PIK3R5: variants seen among roughly 807,000 people sequenced by gnomAD.
PIK3R5 encodes the protein phosphoinositide 3-kinase regulatory subunit 5.
In PIK3R5, 32 loss-of-function variants were observed where a neutral mutation model predicts 94.9. The ratio of observed to expected loss-of-function variants is 0.34; its 90% CI spans 0.25 to 0.45. PIK3R5 has a LOEUF of 0.45. Ranked by LOEUF, PIK3R5 falls within the 20% of genes least tolerant of loss-of-function variation. The pLI is 1.00. For synonymous variants in PIK3R5, 443 were observed against 479.4 expected, an observed-to-expected ratio of 0.92 and a Z score of 0.99; for missense variants, 853 against 1,144.6, an observed-to-expected ratio of 0.75 and a Z score of 3.68.
intron 1 of PIK3R5, among the ~76,000 whole-genome samples, chr17:8,930,782 C>T (rs142012156): frequency 1.6e-4 from 24 of 152,258 alleles, no homozygotes; most frequent in Admixed American, 3.9e-4. Context: ...CAAAAGAATG[C>T]GTAACATATT....
At chr17:8,920,842 T>C (rs1444289953) in intron 1 of PIK3R5, among the ~76,000 whole-genome samples, 2 of 148,670 alleles carry the variant, frequency 1.3e-5, no homozygotes, top group Non-Finnish European at 3.0e-5. Context: ...TTTTTTCTTT[T>C]TCTTTTTTTT....
chr17:8,935,615 T>C lies in PIK3R5; in HGVS notation c.-13-24108A>G, dbSNP rs1293148854. The stretch of plus-strand genomic sequence containing the variant: ...ATATTTCTATTAATTTATTTCTTTC[T>C]GTACATTGTGCTCTCCCCTCACCCT... On this transcript the variant is annotated intron_variant, in intron 1 of 18. Transcript: ENST00000447110. The surrounding 1 kb of genome is among the most constrained non-coding windows in gnomAD (Gnocchi z 4.5). 6.6e-6 allele frequency among the ~76,000 whole-genome samples: 1 copy of C among 152,188 alleles called. No homozygotes were observed. The highest frequency in any genetic ancestry group is 1.5e-5 in the Non-Finnish European group (1 of 68,030).
chr17:8,885,292 T>A (rs181947860), intron 14 of PIK3R5, among the ~76,000 whole-genome samples: 16 of 132,472 alleles, frequency 1.2e-4, no homozygotes, highest in Non-Finnish European at 2.1e-4. Context: ...CAACCCCGCC[T>A]CCCCATGGCC....
intron 1 of PIK3R5, among the ~76,000 whole-genome samples, chr17:8,933,897 G>GA (rs2091027838): frequency 6.6e-6 from 1 of 152,098 alleles, no homozygotes; most frequent in Admixed American, 6.5e-5. Context: ...AAAAGCCTTT[G>GA]AAAAAACTCA....
At chr17:8,931,140 T>G (rs989231278) in intron 1 of PIK3R5, among the ~76,000 whole-genome samples, 1 of 152,242 alleles carries the variant, frequency 6.6e-6, no homozygotes, top group Non-Finnish European at 1.5e-5. Context: ...AAAAGCCTTG[T>G]ACAGATAAGT....
chr17:8,908,856 C>T (rs1158164712), intron 3 of PIK3R5, among the ~76,000 whole-genome samples: 1 of 152,152 alleles, frequency 6.6e-6, no homozygotes, highest in Non-Finnish European at 1.5e-5. Context: ...GAACTCAGGA[C>T]CCTAGCTCGC....
At chr17:8,899,374 T>G (rs557268920) in intron 5 of PIK3R5, among the ~76,000 whole-genome samples, 29 of 152,082 alleles carry the variant, frequency 1.9e-4, no homozygotes, top group African/African-American at 5.5e-4. Context: ...CCTTCTCATT[T>G]CTCCCTGTGA....
chr17:8,887,716 G>C (rs1349904836), intron 10 of PIK3R5, 33 bp from the exon 11 acceptor site: 1 of 1,559,334 alleles, frequency 6.4e-7, no homozygotes, highest in East Asian at 2.4e-5. Context: ...AAGGGGAATG[G>C]GCATGGTGGC....
At position 8,884,757 on chromosome 17, in the gene PIK3R5, C is replaced by G; in HGVS notation, c.2155G>C (p.Asp719His). The G allele has an allele frequency of 6.2e-7, 1 of 1,613,072 alleles. No homozygotes were observed. Among genetic ancestry groups the G allele is most frequent in the Non-Finnish European group, 8.5e-7 (1 of 1,179,510 alleles). ...SGPGSKRLGI[D>H]GDREAVPLTL... ...AGAGGAACAGCCTCCCGGTCGCCAT[C>G]GATGCCCAGCCGCTTGCTGCCAGGA... is the stretch of plus-strand genomic sequence containing the variant. Residue 719 changes from aspartate (D) to histidine (H), a missense_variant, in exon 15 of 19, where the codon GAT (aspartate) becomes CAT (histidine). Physicochemically the swap from Asp to His is moderately conservative, Grantham distance 81. Coordinates refer to ENST00000447110, the MANE Select transcript of PIK3R5 (RefSeq NM_001142633.3). This position sits in a 1 kb window ranked among gnomAD's most constrained non-coding sequence, Gnocchi z 5.8.
In PIK3R5 at chr17:8,890,362, C is replaced by T. The variant is rs1034847520; in HGVS notation, c.658-236G>A. On this transcript the variant is annotated intron_variant, in intron 7 of 18. Transcript: ENST00000447110. This position sits in a 1 kb window ranked among gnomAD's most constrained non-coding sequence, Gnocchi z 6.1. Reference sequence around the variant, plus strand: ...GCACTGCAGTTAGGAGGGACTTCAGCGCTCCTCACTGTACCCCATAGAGGG... The same window carrying T: ...GCACTGCAGTTAGGAGGGACTTCAGTGCTCCTCACTGTACCCCATAGAGGG... Among the ~76,000 whole-genome samples the T allele has an allele frequency of 3.3e-5, 5 of 152,164 alleles. No homozygotes were observed. The highest frequency in any genetic ancestry group is 1.9e-4 in the East Asian group (1 of 5,194).
chr17:8,881,683 G>A lies in PIK3R5; in HGVS notation c.2329C>T (p.Leu777=), dbSNP rs757946641. ...TTCTGCCTTTTCACCACTTCTGTCA[G>A]GTTTAGCGTCAGGGCCTCCATGCTG... is the stretch of plus-strand genomic sequence containing the variant. ...DSSMEALTLN[L]TEVVKRQNSK... Residue 777 remains leucine (L), a synonymous_variant, in exon 17 of 19, where the codon CTG becomes TTG. Transcript: ENST00000447110. The surrounding 1 kb of genome is among the most constrained non-coding windows in gnomAD (Gnocchi z 4.8). 23 of 1,613,806 alleles carry A rather than the reference G, an allele frequency of 1.4e-5. No individual in the cohort carries two copies. The highest frequency in any genetic ancestry group is 1.9e-5 in the Non-Finnish European group (23 of 1,179,936).
intron 3 of PIK3R5, 94 bp from the exon 4 acceptor site, chr17:8,905,831 CTTT>C (rs578092015): frequency 5.9e-3 from 2,223 of 379,532 alleles, no homozygotes; most frequent in South Asian, 8.6e-3. Context: ...TCTAGCCTTT[CTTT>C]TTTTTTTTTT....
intron 5 of PIK3R5, among the ~76,000 whole-genome samples, chr17:8,902,020 C>T (rs1008748716): frequency 4.6e-5 from 7 of 152,140 alleles, no homozygotes; most frequent in African/African-American, 1.7e-4. Context: ...CCCCATTCCT[C>T]ACCAGCGCTG....
chr17:8,896,376 C>G lies in PIK3R5; in HGVS notation c.413-2721G>C, dbSNP rs910882959. On this transcript the variant is annotated intron_variant, in intron 5 of 18. Transcript: ENST00000447110. This position sits in a 1 kb window ranked among gnomAD's most constrained non-coding sequence, Gnocchi z 4.0. ...CTCTCCCTTTGATCTTAGATCACAC[C>G]CTTTCTTGGTCACCTTAGCAGATGG... Among the ~76,000 whole-genome samples, 1 of 152,150 alleles carries G rather than the reference C, an allele frequency of 6.6e-6. No individual in the cohort carries two copies. Among genetic ancestry groups the G allele is most frequent in the African/African-American group, 2.4e-5 (1 of 41,416 alleles).
At chr17:8,958,063 C>G (rs2091493381) in intron 1 of PIK3R5, among the ~76,000 whole-genome samples, 1 of 152,184 alleles carries the variant, frequency 6.6e-6, no homozygotes, top group Admixed American at 6.5e-5. Flanking sequence ...ATAATCCCAG[C>G]ACTTTGGGAG....
In PIK3R5 at chr17:8,892,860, A is replaced by G. The variant is rs2090059831; in HGVS notation, c.482+726T>C. 6.6e-6 allele frequency among the ~76,000 whole-genome samples: 1 copy of G among 152,172 alleles called. No individual in the cohort carries two copies. The highest frequency in any genetic ancestry group is 2.4e-5 in the African/African-American group (1 of 41,442). ...GGCTCCCAACATGTCAAGGTGAGAC[A>G]GCACCCAACTCTTCAAGGCCTGCAG... On this transcript the variant is annotated intron_variant, in intron 6 of 18. Coordinates refer to ENST00000447110, the MANE Select transcript of PIK3R5 (RefSeq NM_001142633.3). This position sits in a 1 kb window ranked among gnomAD's most constrained non-coding sequence, Gnocchi z 4.3.
chr17:8,948,030 G>A (rs1460139904), intron 1 of PIK3R5, among the ~76,000 whole-genome samples: 11 of 128,036 alleles, frequency 8.6e-5, no homozygotes, highest in Non-Finnish European at 1.3e-4. Flanking sequence ...GCGACAGAGC[G>A]AGACTCCGTC....
In PIK3R5 at chr17:8,889,748, C is replaced by T. The variant is rs1158739381; in HGVS notation, c.811+225G>A. Among the ~76,000 whole-genome samples, 1 of 152,144 alleles carries T rather than the reference C, an allele frequency of 6.6e-6. No homozygotes were observed. Among genetic ancestry groups the T allele is most frequent in the African/African-American group, 2.4e-5 (1 of 41,414 alleles). The stretch of plus-strand genomic sequence containing the variant: ...CAGCCTTTGCCCTCGTAAGCACTCT[C>T]TTTTCCTCTTCCCACAAGCTGCCAT... On this transcript the variant is annotated intron_variant, in intron 8 of 18. Transcript: ENST00000447110. The surrounding 1 kb of genome is among the most constrained non-coding windows in gnomAD (Gnocchi z 4.1).
In PIK3R5 at chr17:8,892,395, C is replaced by T. The variant is rs2090049422; in HGVS notation, c.482+1191G>A. 6.6e-6 allele frequency among the ~76,000 whole-genome samples: 1 copy of T among 152,146 alleles called. No individual in the cohort carries two copies. Among genetic ancestry groups the T allele is most frequent in the African/African-American group, 2.4e-5 (1 of 41,432 alleles). ...ATTTCTCTCCCGAAGAATTTATCAT[C>T]ATTCTCAATTTACAGATAATGAAAG... On this transcript the variant is annotated intron_variant, in intron 6 of 18. Coordinates refer to ENST00000447110, the MANE Select transcript of PIK3R5 (RefSeq NM_001142633.3). The surrounding 1 kb of genome is among the most constrained non-coding windows in gnomAD (Gnocchi z 4.3).
Sources: allele counts gnomAD v4.1 joint callset (sites outside exome capture counted in the v4.1 genomes callset), GRCh38; gene constraint gnomAD v4.1.1; non-coding constraint Gnocchi (gnomAD v3.1); transcripts MANE v1.5; gene names NCBI Gene and HGNC (gene_info 2026-07-23, HGNC 2026-07-21).